The following AUTS2 variants were observed in gnomAD, a reference collection of about 807,000 sequenced individuals.
AUTS2 encodes the protein activator of transcription and developmental regulator AUTS2, also known as autism susceptibility gene 2 protein.
Under a neutral mutation model 112.4 loss-of-function variants are expected in AUTS2, and 17 were observed. That is an observed-to-expected ratio of 0.15 (90% CI 0.10 to 0.23). AUTS2 has a LOEUF of 0.23. AUTS2 is among the 10% of genes least tolerant of loss of function. The probability of loss-of-function intolerance (pLI) is 1.00; values close to 1 mark genes in which losing one functional copy is unlikely to be tolerated. For missense variants in AUTS2, 1,510 were observed against 1,701.6 expected (o/e 0.89, Z 1.98); for synonymous variants, 751 against 702.7 (o/e 1.07, Z -1.09).
chr7:70,763,766 G>C (rs1313610082), intron 7 of AUTS2, among the ~76,000 whole-genome samples: 1 of 152,114 alleles, frequency 6.6e-6, no homozygotes. Flanking sequence ...TCTCCCTGCA[G>C]CTCCAAAGGC....
chr7:70,441,212 C>T (rs565437768), intron 5 of AUTS2, among the ~76,000 whole-genome samples: 1 of 152,310 alleles, frequency 6.6e-6, no homozygotes, highest in East Asian at 1.9e-4. Context: ...AGTTTTTTCT[C>T]TCTGTGCTGT....
intron 15 of AUTS2, chr7:70,783,580 CT>C (rs2129560289): frequency 6.6e-6 from 1 of 152,306 alleles, no homozygotes; most frequent in East Asian, 1.9e-4. Flanking sequence ...TTAGTAAATT[CT>C]TTATCCAGGC....
intron 2 of AUTS2, among the ~76,000 whole-genome samples, chr7:70,108,783 C>CAAAAAAAAAAAAAAAAAA (rs528009205): frequency 7.2e-5 from 5 of 69,180 alleles, no homozygotes; most frequent in African/African-American, 2.7e-4. Context: ...GCCAACATGG[C>CAAAAAAAAAAAAAAAAAA]AAAAAAAAAA....
At chr7:69,945,917 G>A (rs961449231) in intron 2 of AUTS2, among the ~76,000 whole-genome samples, 2 of 152,142 alleles carry the variant, frequency 1.3e-5, no homozygotes, top group African/African-American at 2.4e-5. Flanking sequence ...GCTCACGGCA[G>A]CCTTGACTTC....
intron 5 of AUTS2, among the ~76,000 whole-genome samples, chr7:70,660,770 C>T (rs567294794): frequency 2.2e-4 from 34 of 152,288 alleles, no homozygotes; most frequent in African/African-American, 7.9e-4. Flanking sequence ...GTCATGCTAT[C>T]GTTTGTTCAT....
chr7:69,750,793 C>G lies in AUTS2; in HGVS notation c.310-148493C>G, dbSNP rs139196783. Reference sequence around the variant, plus strand: ...AAGGTTGGTGGTCTTAGCTTCATTTCACAGACTAGGGAGGACAGAGTTTTG... The same window carrying G: ...AAGGTTGGTGGTCTTAGCTTCATTTGACAGACTAGGGAGGACAGAGTTTTG... On this transcript the variant is annotated intron_variant, in intron 1 of 18. Coordinates refer to ENST00000342771, the MANE Select transcript of AUTS2 (RefSeq NM_015570.4). Among the ~76,000 whole-genome samples, 59 of 152,186 alleles carry G rather than the reference C, an allele frequency of 3.9e-4. No individual in the cohort carries two copies. The East Asian group carries it at 0.011, about 29-fold the overall frequency.
chr7:70,603,693 G>A (rs980965632), intron 5 of AUTS2, among the ~76,000 whole-genome samples: 9 of 152,156 alleles, frequency 5.9e-5, no homozygotes, highest in Non-Finnish European at 1.2e-4. Flanking sequence ...GCAAATGTTA[G>A]CTCCCCTGCC....
chr7:70,603,321 T>C (rs541842414), intron 5 of AUTS2, among the ~76,000 whole-genome samples: 43 of 152,296 alleles, frequency 2.8e-4, no homozygotes, highest in African/African-American at 9.6e-4. Context: ...TCACCCACAC[T>C]CCTCCCAGTG....
intron 4 of AUTS2, among the ~76,000 whole-genome samples, chr7:70,415,576 G>A (rs988929042): frequency 3.3e-5 from 5 of 152,110 alleles, no homozygotes; most frequent in Admixed American, 6.5e-5. Flanking sequence ...CTGGTACATC[G>A]TTGTTTAAGA....
At chr7:70,778,404 G>T (rs561612892) in intron 14 of AUTS2, among the ~76,000 whole-genome samples, 1 of 152,104 alleles carries the variant, frequency 6.6e-6, no homozygotes, top group African/African-American at 2.4e-5. Flanking sequence ...AATGAGCCAG[G>T]AGATAGATAG....
chr7:70,310,099 A>G (rs73173503), intron 4 of AUTS2, among the ~76,000 whole-genome samples: 1,678 of 152,266 alleles, frequency 0.011, 15 homozygotes, highest in Non-Finnish European at 0.019. Context: ...TAACTGATTG[A>G]AATGTGGTAA....
chr7:69,928,947 A>T (rs1485982954), intron 2 of AUTS2, among the ~76,000 whole-genome samples: 1 of 152,136 alleles, frequency 6.6e-6, no homozygotes, highest in Non-Finnish European at 1.5e-5. Flanking sequence ...GCCACCATCA[A>T]TGTGGTTACC....
chr7:70,347,437 A>G (rs941244939), intron 4 of AUTS2, among the ~76,000 whole-genome samples: 8 of 152,196 alleles, frequency 5.3e-5, no homozygotes, highest in Admixed American at 4.6e-4. Context: ...AGTAGATGCT[A>G]TTTAATGAAG....
At chr7:69,983,704 G>A (rs1249427671) in intron 2 of AUTS2, among the ~76,000 whole-genome samples, 1 of 152,060 alleles carries the variant, frequency 6.6e-6, no homozygotes, top group Non-Finnish European at 1.5e-5. Flanking sequence ...TATTAATGTT[G>A]GACAAAATCA....
chr7:70,134,474 G>A, intron 3 of AUTS2, 62 bp from the exon 4 acceptor site: 1 of 1,440,384 alleles, frequency 6.9e-7, no homozygotes, highest in East Asian at 2.3e-5. Context: ...TGAGCTGTGT[G>A]GATTGGAACG....
chr7:69,687,463 AATTT>A (rs1203950914), intron 1 of AUTS2, among the ~76,000 whole-genome samples: 1 of 152,208 alleles, frequency 6.6e-6, no homozygotes, highest in Non-Finnish European at 1.5e-5. Flanking sequence ...TGCTGATATT[AATTT>A]ATTAATACAG....
intron 4 of AUTS2, among the ~76,000 whole-genome samples, chr7:70,251,971 A>G (rs963962635): frequency 6.6e-6 from 1 of 152,112 alleles, no homozygotes; most frequent in African/African-American, 2.4e-5. Context: ...CCATTTAAAG[A>G]TAAATTTCAT....
intron 4 of AUTS2, among the ~76,000 whole-genome samples, chr7:70,317,862 T>G (rs1271672450): frequency 6.6e-6 from 1 of 152,150 alleles, no homozygotes; most frequent in Non-Finnish European, 1.5e-5. Context: ...AGTACAATCT[T>G]TTTGGATTGT....
intron 1 of AUTS2, among the ~76,000 whole-genome samples, chr7:69,600,710 C>T (rs1315227973): frequency 6.6e-6 from 1 of 151,580 alleles, no homozygotes; most frequent in Non-Finnish European, 1.5e-5. Flanking sequence ...CATACATAGG[C>T]ACATGTGTGT....
Sources: gnomAD v4.1 joint callset for allele counts (sites outside exome capture counted in the v4.1 genomes callset) on GRCh38, gnomAD v4.1.1 for gene constraint, MANE v1.5 for transcripts, NCBI Gene and HGNC (gene_info 2026-07-23, HGNC 2026-07-21) for gene names.